Variants in GPC5 observed in about 807,000 individuals in gnomAD.
The protein encoded by GPC5 is glypican 5, also known as glypican-5.
Under a neutral mutation model 53.9 loss-of-function variants are expected in GPC5, and 47 were observed. The observed-to-expected ratio is 0.87, with a 90% CI of 0.69 to 1.11. GPC5 has a LOEUF of 1.11. GPC5 is among the 50% of genes most tolerant of loss of function. The pLI is 0.00. For missense variants in GPC5, 748 were observed against 713.1 expected (o/e 1.05, Z -0.56); for synonymous variants, 286 against 263.3 (o/e 1.09, Z -0.84).
At position 91,448,809 on chromosome 13, in the gene GPC5, G is replaced by C. The variant is rs371917437; in HGVS notation, c.212G>C (p.Arg71Thr). Residue 71 changes from arginine (R) to threonine (T), a missense_variant, in exon 2 of 8, where the codon AGG (arginine) becomes ACG (threonine). By Grantham distance (71) the Arg-to-Thr change is moderately conservative. Transcript: ENST00000377067. ...TCCAAAAAGCCTACATGTTGCACCAGGAAGATGGAGGAGAGATATCAGATT... is the reference window on the plus strand; with the variant it reads ...TCCAAAAAGCCTACATGTTGCACCACGAAGATGGAGGAGAGATATCAGATT... ...CISKKPTCCT[R>T]KMEERYQIAA... 2 of 1,613,742 alleles carry C rather than the reference G, an allele frequency of 1.2e-6. No individual in the cohort carries two copies. Among genetic ancestry groups the C allele is most frequent in the African/African-American group, 2.7e-5 (2 of 75,012 alleles).
At chr13:92,062,310 T>C (rs1329017980) in intron 6 of GPC5, among the ~76,000 whole-genome samples, 4 of 151,990 alleles carry the variant, frequency 2.6e-5, no homozygotes, top group Non-Finnish European at 5.9e-5. Flanking sequence ...GATTGCTTCC[T>C]AAGAAATACT....
intron 7 of GPC5, among the ~76,000 whole-genome samples, chr13:92,794,256 C>A (rs944225233): frequency 6.6e-6 from 1 of 152,138 alleles, no homozygotes; most frequent in Non-Finnish European, 1.5e-5. Context: ...CGTAATCCAT[C>A]ATATAAAGAG....
chr13:92,850,583 A>G (rs1852201469), intron 7 of GPC5, among the ~76,000 whole-genome samples: 1 of 152,122 alleles, frequency 6.6e-6, no homozygotes, highest in South Asian at 2.1e-4. Flanking sequence ...TAGGCAACAG[A>G]GCGAGACTCC....
chr13:91,418,739 A>G lies in GPC5; in HGVS notation c.163+19530A>G, dbSNP rs9589222. Among the ~76,000 whole-genome samples the G allele has an allele frequency of 4.4e-3, 666 of 152,262 alleles. 4 individuals are homozygous for G. The highest frequency in any genetic ancestry group is 0.016 in the African/African-American group (646 of 41,562). On this transcript the variant is annotated intron_variant, in intron 1 of 7. Coordinates refer to ENST00000377067, the MANE Select transcript of GPC5 (RefSeq NM_004466.6). ...GTGCCACAATCAAATTTGCATTTTA[A>G]AAAAGACCTTTCTGTTCTGTAGGGT...
intron 2 of GPC5, among the ~76,000 whole-genome samples, chr13:91,667,200 C>T (rs1365874): frequency 0.25 from 38,198 of 152,010 alleles, 6,666 homozygotes; most frequent in African/African-American, 0.49. Context: ...ACCATCCTTA[C>T]TCCTTCGAAT....
chr13:91,847,762 C>A (rs2038868489), intron 5 of GPC5, among the ~76,000 whole-genome samples: 1 of 152,110 alleles, frequency 6.6e-6, no homozygotes, highest in Admixed American at 6.5e-5. Flanking sequence ...AATTACATCT[C>A]CTGGTTACTT....
At chr13:91,572,907 A>T (rs75714565) in intron 2 of GPC5, among the ~76,000 whole-genome samples, 2,594 of 151,954 alleles carry the variant, frequency 0.017, 73 homozygotes, top group African/African-American at 0.059. Context: ...ACTTACATTC[A>T]CTCCCAATTA....
At chr13:92,127,866 A>G (rs2041712215) in intron 6 of GPC5, among the ~76,000 whole-genome samples, 1 of 152,224 alleles carries the variant, frequency 6.6e-6, no homozygotes, top group African/African-American at 2.4e-5. Flanking sequence ...AAATACACCC[A>G]TAGAACAGTG....
At chr13:92,081,089 A>G (rs916604086) in intron 6 of GPC5, among the ~76,000 whole-genome samples, 2 of 152,106 alleles carry the variant, frequency 1.3e-5, no homozygotes, top group African/African-American at 4.8e-5. Context: ...ACCCACTGGT[A>G]TATGTCTTTC....
chr13:92,540,259 C>T (rs1167511459), intron 7 of GPC5, among the ~76,000 whole-genome samples: 1 of 151,886 alleles, frequency 6.6e-6, no homozygotes, highest in Non-Finnish European at 1.5e-5. Context: ...CTATTCAGTG[C>T]TTTTCTCTTC....
At chr13:92,410,363 G>A (rs554750293) in intron 7 of GPC5, among the ~76,000 whole-genome samples, 7 of 152,148 alleles carry the variant, frequency 4.6e-5, no homozygotes, top group Non-Finnish European at 1.0e-4. Flanking sequence ...TAATCTGCAT[G>A]CATTACTTCA....
intron 7 of GPC5, among the ~76,000 whole-genome samples, chr13:92,386,376 G>A (rs145351038): frequency 2.1e-4 from 32 of 152,034 alleles, no homozygotes; most frequent in African/African-American, 7.7e-4. Context: ...AATAATACTT[G>A]CCTATGACCA....
chr13:91,808,925 C>A (rs2038267041), intron 5 of GPC5, among the ~76,000 whole-genome samples: 1 of 152,068 alleles, frequency 6.6e-6, no homozygotes, highest in Non-Finnish European at 1.5e-5. Context: ...TTGCCTAACA[C>A]AGAGAAAGCC....
At chr13:92,062,840 A>G (rs533994138) in intron 6 of GPC5, among the ~76,000 whole-genome samples, 10 of 152,190 alleles carry the variant, frequency 6.6e-5, no homozygotes, top group Middle Eastern at 3.4e-3. Context: ...ATTTATATGC[A>G]GTGTAACATT....
At chr13:92,421,070 A>G (rs190508326) in intron 7 of GPC5, among the ~76,000 whole-genome samples, 19 of 152,194 alleles carry the variant, frequency 1.2e-4, no homozygotes, top group Non-Finnish European at 8.8e-5. Flanking sequence ...GTTTTCCCCA[A>G]TCATTCCTTT....
intron 2 of GPC5, among the ~76,000 whole-genome samples, chr13:91,595,287 T>C (rs2032954961): frequency 6.6e-6 from 1 of 152,118 alleles, no homozygotes; most frequent in Admixed American, 6.6e-5. Context: ...GTGCTGGGAC[T>C]ACAGGCGTGA....
At position 91,707,916 on chromosome 13, in the gene GPC5, A is replaced by G. The variant is rs573829815; in HGVS notation, c.1020+14035A>G. Among the ~76,000 whole-genome samples, 11 of 152,374 alleles carry G rather than the reference A, an allele frequency of 7.2e-5. No homozygotes were observed. In the South Asian group the frequency reaches 1.9e-3, roughly 26 times the overall value. On this transcript the variant is annotated intron_variant, in intron 3 of 7. Transcript: ENST00000377067. ...CTGGAAACAGTCTAAATGTCTATCA[A>G]CTGATGAATGGACAAATAAAATGTT...
intron 6 of GPC5, among the ~76,000 whole-genome samples, chr13:92,124,135 A>T (rs375369965): frequency 1.4e-4 from 18 of 130,410 alleles, no homozygotes; most frequent in Middle Eastern, 3.7e-3. Flanking sequence ...CTTTTCTTTT[A>T]AAAAAAAAAA....
At chr13:92,076,056 G>A (rs1413883723) in intron 6 of GPC5, among the ~76,000 whole-genome samples, 1 of 148,798 alleles carries the variant, frequency 6.7e-6, no homozygotes, top group African/African-American at 2.5e-5. Context: ...GTGTCTTAGA[G>A]AGGGAAAGTT....
Sources: gnomAD v4.1 joint callset for allele counts (sites outside exome capture counted in the v4.1 genomes callset) on GRCh38, gnomAD v4.1.1 for gene constraint, MANE v1.5 for transcripts, NCBI Gene and HGNC (gene_info 2026-07-23, HGNC 2026-07-21) for gene names.